The following CPQ variants were observed in gnomAD, a reference collection of about 807,000 sequenced individuals.
CPQ encodes Ser-Met dipeptidase.
A neutral mutation model predicts 45.7 loss-of-function variants in CPQ; 37 were observed. The ratio of observed to expected loss-of-function variants is 0.81; its 90% CI spans 0.62 to 1.07. The LOEUF is 1.07. CPQ is among the 50% of genes least tolerant of loss of function. CPQ has a pLI of 0.00. For missense variants in CPQ, 537 were observed against 572.9 expected, an observed-to-expected ratio of 0.94 and a Z score of 0.64; for synonymous variants, 186 against 205.8, an observed-to-expected ratio of 0.90 and a Z score of 0.82.
chr8:97,024,631 C>T (rs375493080), intron 5 of CPQ, among the ~76,000 whole-genome samples: 9 of 152,222 alleles, frequency 5.9e-5, no homozygotes, highest in South Asian at 2.1e-4. Context: ...ATAAATTATA[C>T]GACAGATTAT....
intron 4 of CPQ, among the ~76,000 whole-genome samples, chr8:96,891,462 ATGT>A (rs1205857083): frequency 6.6e-6 from 1 of 152,140 alleles, no homozygotes; most frequent in Non-Finnish European, 1.5e-5. Context: ...GTGGAAGCCC[ATGT>A]TGCTGAGCCC....
At chr8:96,693,131 A>C (rs1809325151) in intron 1 of CPQ, among the ~76,000 whole-genome samples, 1 of 152,098 alleles carries the variant, frequency 6.6e-6, no homozygotes, top group Non-Finnish European at 1.5e-5. Flanking sequence ...GGCATTTTGA[A>C]AATACGCAAA....
intron 4 of CPQ, among the ~76,000 whole-genome samples, chr8:96,927,229 C>CTAGA (rs1812904671): frequency 6.6e-6 from 1 of 152,138 alleles, no homozygotes; most frequent in South Asian, 2.1e-4. Flanking sequence ...TGAGGTAGCC[C>CTAGA]TGAGGAAGCA....
intron 1 of CPQ, among the ~76,000 whole-genome samples, chr8:96,738,203 C>T (rs1810018313): frequency 6.6e-6 from 1 of 151,986 alleles, no homozygotes. Flanking sequence ...TTGTTGGATG[C>T]ATTGTTTCAT....
chr8:96,845,839 A>C (rs1811680299), intron 3 of CPQ, among the ~76,000 whole-genome samples: 3 of 152,100 alleles, frequency 2.0e-5, no homozygotes. Context: ...TTATTTTTTG[A>C]GACGGAGTTT....
At chr8:96,945,638 C>T (rs1331782150) in intron 4 of CPQ, among the ~76,000 whole-genome samples, 1 of 152,048 alleles carries the variant, frequency 6.6e-6, no homozygotes, top group Non-Finnish European at 1.5e-5. Flanking sequence ...AATTTAGCAC[C>T]TCTTTCAAGT....
chr8:96,869,835 C>G (rs1383495888), intron 3 of CPQ, among the ~76,000 whole-genome samples: 1 of 151,918 alleles, frequency 6.6e-6, no homozygotes, highest in Non-Finnish European at 1.5e-5. Flanking sequence ...TAAAGTTAGC[C>G]TGAAGAAAAA....
At chr8:96,859,500 C>T (rs1027429587) in intron 3 of CPQ, among the ~76,000 whole-genome samples, 1 of 152,150 alleles carries the variant, frequency 6.6e-6, no homozygotes, top group Admixed American at 6.5e-5. Context: ...AGATTCCATT[C>T]TCTAGAATGA....
chr8:96,925,847 G>A (rs1311898247), intron 4 of CPQ, among the ~76,000 whole-genome samples: 7 of 151,000 alleles, frequency 4.6e-5, no homozygotes, highest in East Asian at 2.0e-4. Context: ...GCACCACAAC[G>A]CCCAGCTAAT....
chr8:96,645,428 G>A (rs1815506299), intron 1 of CPQ, 26 bp downstream of exon 1: 1 of 152,786 alleles, frequency 6.5e-6, no homozygotes, highest in Non-Finnish European at 1.5e-5. Flanking sequence ...AACTGGCAGT[G>A]CCCGCGGGCG....
intron 5 of CPQ, among the ~76,000 whole-genome samples, chr8:97,005,428 G>A (rs1232855752): frequency 6.6e-6 from 1 of 151,882 alleles, no homozygotes; most frequent in Non-Finnish European, 1.5e-5. Context: ...GAAGCCAGGT[G>A]CAGTGGCTCA....
intron 5 of CPQ, among the ~76,000 whole-genome samples, chr8:96,999,197 G>T (rs1050007079): frequency 6.0e-5 from 9 of 151,078 alleles, no homozygotes; most frequent in African/African-American, 2.2e-4. Context: ...CAAATTCTAA[G>T]CCCAAAATTT....
chr8:96,803,706 C>G (rs1336976822), intron 2 of CPQ, among the ~76,000 whole-genome samples: 1 of 152,154 alleles, frequency 6.6e-6, no homozygotes. Context: ...CTGATCCCAC[C>G]CATGTAGCAT....
chr8:96,987,022 C>A (rs548948885), intron 5 of CPQ, among the ~76,000 whole-genome samples: 1 of 151,970 alleles, frequency 6.6e-6, no homozygotes, highest in Non-Finnish European at 1.5e-5. Flanking sequence ...TGAATGGGCA[C>A]AGGTAGGAAT....
At chr8:96,735,981 C>G (rs1339977245) in intron 1 of CPQ, among the ~76,000 whole-genome samples, 3 of 152,092 alleles carry the variant, frequency 2.0e-5, no homozygotes, top group African/African-American at 7.2e-5. Flanking sequence ...TTGGGTCACA[C>G]CGAGATACTG....
At chr8:96,706,845 T>C (rs1809536355) in intron 1 of CPQ, among the ~76,000 whole-genome samples, 1 of 152,174 alleles carries the variant, frequency 6.6e-6, no homozygotes, top group Non-Finnish European at 1.5e-5. Context: ...ATGATCTTGC[T>C]ATTCAAATTT....
chr8:97,045,409 GA>G (rs1225055319), intron 6 of CPQ, among the ~76,000 whole-genome samples: 2 of 152,152 alleles, frequency 1.3e-5, no homozygotes, highest in Non-Finnish European at 2.9e-5. Flanking sequence ...CTTTGACTAG[GA>G]AAGGGAACTC....
intron 3 of CPQ, among the ~76,000 whole-genome samples, chr8:96,844,206 G>A (rs1458802332): frequency 2.0e-5 from 3 of 152,142 alleles, no homozygotes; most frequent in Admixed American, 6.5e-5. Context: ...GTGTAATGTA[G>A]CATATGAACC....
At chr8:96,754,756 G>A (rs1408940961) in intron 1 of CPQ, among the ~76,000 whole-genome samples, 1 of 151,894 alleles carries the variant, frequency 6.6e-6, no homozygotes, top group Non-Finnish European at 1.5e-5. Context: ...TTACCTGTTG[G>A]TAAATACAAT....
Sources: allele counts gnomAD v4.1 joint callset (sites outside exome capture counted in the v4.1 genomes callset), GRCh38; gene constraint gnomAD v4.1.1; transcripts MANE v1.5; gene names NCBI Gene and HGNC (gene_info 2026-07-23, HGNC 2026-07-21).